BCL11B: variants seen among roughly 807,000 people sequenced by gnomAD.
The protein encoded by BCL11B is B-cell lymphoma/leukemia 11B.
BCL11B carries 8 observed loss-of-function variants against 49.9 expected under a neutral mutation model. That is an observed-to-expected ratio of 0.16 (90% confidence interval 0.09 to 0.29). BCL11B has a LOEUF of 0.29. Ranked by LOEUF, BCL11B falls within the 10% of genes least tolerant of loss-of-function variation. The probability of loss-of-function intolerance (pLI) is 1.00; values close to 1 mark genes in which losing one functional copy is unlikely to be tolerated. For synonymous variants in BCL11B, 739 were observed against 637.4 expected (o/e 1.16, Z -2.40); for missense variants, 1,006 against 1,351.0 (o/e 0.74, Z 4.00).
chr14:99,209,241 C>T (rs894562394), intron 3 of BCL11B, among the ~76,000 whole-genome samples: 2 of 152,100 alleles, frequency 1.3e-5, no homozygotes, highest in African/African-American at 4.8e-5. Flanking sequence ...AGGGAAAGGG[C>T]GATAGGCCAT....
intron 3 of BCL11B, among the ~76,000 whole-genome samples, chr14:99,202,333 C>T (rs2793318): frequency 0.17 from 26,130 of 152,084 alleles, 3,451 homozygotes; most frequent in East Asian, 0.47. Flanking sequence ...GGTGAAAGCT[C>T]TGCATGCTGT....
chr14:99,227,169 CTAAA>C (rs1888182960), intron 3 of BCL11B, among the ~76,000 whole-genome samples: 1 of 152,196 alleles, frequency 6.6e-6, no homozygotes, highest in East Asian at 1.9e-4. Flanking sequence ...AGCCAAAAGG[CTAAA>C]TACTTTTAAG....
rs535513838 is a variant in BCL11B, at chr14:99,243,656, C to T, written c.428-12099G>A. Among the ~76,000 whole-genome samples, 25 of 152,250 alleles carry T rather than the reference C, an allele frequency of 1.6e-4. No individual in the cohort carries two copies. The South Asian group carries it at 4.4e-3, about 27-fold the overall frequency. On this transcript the variant is annotated intron_variant, in intron 2 of 3. Transcript: ENST00000357195. ...CCTCTAGATTCTGCGGCTTTAACAA[C>T]GACACGGCCCCTGACGCTCCAGCAA... is the stretch of plus-strand genomic sequence containing the variant.
chr14:99,241,422 A>G lies in BCL11B; in HGVS notation c.428-9865T>C, dbSNP rs1374716933. On this transcript the variant is annotated intron_variant, in intron 2 of 3. Coordinates refer to ENST00000357195, the MANE Select transcript of BCL11B (RefSeq NM_138576.4). The surrounding 1 kb of genome is among the most constrained non-coding windows in gnomAD (Gnocchi z 4.4). ...GTAATCTCAGAGGAAGAAAGCAGCAAGCATCGCTCAGGAGGCCTCAGAGAC... is the reference window on the plus strand; with the variant it reads ...GTAATCTCAGAGGAAGAAAGCAGCAGGCATCGCTCAGGAGGCCTCAGAGAC... Among the ~76,000 whole-genome samples the G allele has an allele frequency of 6.6e-6, 1 of 152,118 alleles. No individual in the cohort carries two copies. The highest frequency in any genetic ancestry group is 1.5e-5 in the Non-Finnish European group (1 of 68,030).
rs1019368491 is a variant in BCL11B at position 99,173,250 on chromosome 14, G to C, written c.*901C>G. 1.4e-4 allele frequency: 32 copies of C among 226,234 alleles called. 1 individual carries two copies. Among genetic ancestry groups the C allele is most frequent in the African/African-American group, 6.4e-4 (29 of 44,968 alleles). 14.0% of individuals were successfully genotyped at this position (226,234 alleles called of 1,614,324 possible). On this transcript the variant is annotated 3_prime_UTR_variant, in exon 4 of 4. Coordinates refer to ENST00000357195, the MANE Select transcript of BCL11B (RefSeq NM_138576.4). Reference sequence around the variant, plus strand: ...AGCGAATAGCAGCCATGGCACCCCAGGGCACACCAACAGGATAGTATCTGC... The same window carrying C: ...AGCGAATAGCAGCCATGGCACCCCACGGCACACCAACAGGATAGTATCTGC...
At chr14:99,211,635 C>A (rs140939141) in intron 3 of BCL11B, among the ~76,000 whole-genome samples, 82 of 152,208 alleles carry the variant, frequency 5.4e-4, no homozygotes, top group African/African-American at 1.8e-3. Context: ...GCACACACAC[C>A]CCCCTCCACC....
chr14:99,265,630 C>A (rs994043262), intron 1 of BCL11B, among the ~76,000 whole-genome samples: 9 of 152,198 alleles, frequency 5.9e-5, no homozygotes, highest in Admixed American at 3.9e-4. Context: ...CCCAAGACTT[C>A]GAGGTCACCG....
intron 3 of BCL11B, among the ~76,000 whole-genome samples, chr14:99,191,126 T>C (rs760759200): frequency 1.6e-4 from 24 of 152,104 alleles, no homozygotes; most frequent in Non-Finnish European, 3.2e-4. Flanking sequence ...CCTAGGACAG[T>C]GGTTCTCAAC....
At chr14:99,267,100 C>A (rs993707068) in intron 1 of BCL11B, among the ~76,000 whole-genome samples, 2 of 152,104 alleles carry the variant, frequency 1.3e-5, no homozygotes, top group African/African-American at 4.8e-5. Flanking sequence ...GTCACTGACA[C>A]AACACACCCA....
At position 99,175,017 on chromosome 14, in the gene BCL11B, G is replaced by C. The variant is rs1267178516; in HGVS notation, c.1819C>G (p.Leu607Val). The part of the protein sequence containing the change: ...KVMENVGLGA[L>V]PQYGELLADK... ...GCCAGGAGCTCGCCGTACTGCGGCA[G>C]TGCGCCTAGGCCCACGTTCTCCATG... Residue 607 changes from leucine to valine, a missense_variant, in exon 4 of 4, where the codon CTG (leucine) becomes GTG (valine). By Grantham distance (32) the Leu-to-Val change is conservative (BLOSUM62 1). This residue lies in a region of BCL11B where 443 missense variants were observed against 499.7 expected (regional missense o/e 0.89). Transcript: ENST00000357195. 1 of 1,593,278 alleles carries C rather than the reference G, an allele frequency of 6.3e-7. No individual in the cohort carries two copies. The highest frequency in any genetic ancestry group is 8.5e-7 in the Non-Finnish European group (1 of 1,175,598).
chr14:99,270,496 G>C (rs1284415843), intron 1 of BCL11B, among the ~76,000 whole-genome samples: 1 of 151,904 alleles, frequency 6.6e-6, no homozygotes, highest in Non-Finnish European at 1.5e-5. Context: ...GTGGGGAGGG[G>C]GGCTTGAGCC....
At chr14:99,235,835 T>C (rs1595272266) in intron 2 of BCL11B, among the ~76,000 whole-genome samples, 1 of 152,134 alleles carries the variant, frequency 6.6e-6, no homozygotes, top group Middle Eastern at 3.4e-3. Context: ...TTGTTGATTT[T>C]TTTTTCTTTT....
intron 3 of BCL11B, among the ~76,000 whole-genome samples, chr14:99,225,915 G>A (rs1888146717): frequency 6.6e-6 from 1 of 151,268 alleles, no homozygotes; most frequent in African/African-American, 2.5e-5. Flanking sequence ...CAACTGGGGG[G>A]CTTGCAGCTC....
chr14:99,199,413 G>A (rs1887276287), intron 3 of BCL11B, among the ~76,000 whole-genome samples: 1 of 152,194 alleles, frequency 6.6e-6, no homozygotes, highest in Non-Finnish European at 1.5e-5. Flanking sequence ...AACAGCCGAG[G>A]AATTCTGATT....
chr14:99,228,669 C>A lies in BCL11B; in HGVS notation c.640+2676G>T, dbSNP rs1370026697. Among the ~76,000 whole-genome samples the A allele has an allele frequency of 6.6e-6, 1 of 152,178 alleles. No homozygotes were observed. The highest frequency in any genetic ancestry group is 2.4e-5 in the African/African-American group (1 of 41,452). On this transcript the variant is annotated intron_variant, in intron 3 of 3. Transcript: ENST00000357195. This position sits in a 1 kb window ranked among gnomAD's most constrained non-coding sequence, Gnocchi z 4.8. ...CTAAAATCTAAAAAGGCCTTTAATG[C>A]CAGAAGAAGAGCCAAAGCCAAAGAT...
rs192651602 is a variant in BCL11B at position 99,171,777 on chromosome 14, G to A, written c.*2374C>T. On this transcript the variant is annotated 3_prime_UTR_variant, in exon 4 of 4. Transcript: ENST00000357195. Reference sequence around the variant, plus strand: ...GCAGAAAAAAATTTACTAAAACTCCGACTTTACAGTTACTGTAACAAGAAC... The same window carrying A: ...GCAGAAAAAAATTTACTAAAACTCCAACTTTACAGTTACTGTAACAAGAAC... The A allele has an allele frequency of 2.4e-5, 5 of 209,842 alleles. No individual in the cohort carries two copies. The highest frequency in any genetic ancestry group is 4.6e-5 in the African/African-American group (2 of 43,904). The allele number at this position is 209,842 out of a possible 1,614,324, so 13.0% of individuals were successfully genotyped here. A position where few individuals can be genotyped will look rare whatever the true frequency, so the allele number is the denominator to read the frequency against.
Position 99,228,339 on chromosome 14 carries a change from G to A in BCL11B, c.640+3006C>T, listed in dbSNP as rs182376920. ...GTGCCAGGGACACAAATCACAAAGGGACAAAAAACACCAGAATAGGATAGT... is the reference window on the plus strand; with the variant it reads ...GTGCCAGGGACACAAATCACAAAGGAACAAAAAACACCAGAATAGGATAGT... On this transcript the variant is annotated intron_variant, in intron 3 of 3. Coordinates refer to ENST00000357195, the MANE Select transcript of BCL11B (RefSeq NM_138576.4). The surrounding 1 kb of genome is among the most constrained non-coding windows in gnomAD (Gnocchi z 4.8). 1.3e-5 allele frequency among the ~76,000 whole-genome samples: 2 copies of A among 152,064 alleles called. No individual in the cohort carries two copies. Among genetic ancestry groups the A allele is most frequent in the South Asian group, 4.1e-4 (2 of 4,826 alleles).
At chr14:99,217,286 A>T (rs933385161) in intron 3 of BCL11B, among the ~76,000 whole-genome samples, 1 of 133,322 alleles carries the variant, frequency 7.5e-6, no homozygotes, top group Non-Finnish European at 1.8e-5. Flanking sequence ...TCACATACAA[A>T]CACACTCACA....
intron 3 of BCL11B, among the ~76,000 whole-genome samples, chr14:99,203,816 G>C (rs1250486626): frequency 1.3e-5 from 2 of 152,172 alleles, no homozygotes; most frequent in African/African-American, 4.8e-5. Flanking sequence ...CTCAGATAGG[G>C]ATAGAGGGCT....
Sources: allele counts gnomAD v4.1 joint callset (sites outside exome capture counted in the v4.1 genomes callset), GRCh38; gene constraint gnomAD v4.1.1; regional missense constraint gnomAD v4.1.1; non-coding constraint Gnocchi (gnomAD v3.1); transcripts MANE v1.5; gene names NCBI Gene and HGNC (gene_info 2026-07-23, HGNC 2026-07-21).